LIMCH1: variants seen among roughly 807,000 people sequenced by gnomAD.
LIMCH1 encodes LIM and calponin homology domains-containing protein 1.
Under a neutral mutation model 176.5 loss-of-function variants are expected in LIMCH1, and 113 were observed. The observed-to-expected ratio is 0.64, with a 90% CI of 0.55 to 0.75. The LOEUF (loss-of-function observed/expected upper bound fraction) is 0.75, where lower values mean the gene tolerates loss of function less well. Ranked by LOEUF, LIMCH1 falls within the 30% of genes least tolerant of loss-of-function variation. The pLI is 0.00. For synonymous variants in LIMCH1, 619 were observed against 645.9 expected (o/e 0.96, Z 0.63); for missense variants, 1,674 against 1,814.9 (o/e 0.92, Z 1.41).
intron 1 of LIMCH1, among the ~76,000 whole-genome samples, chr4:41,491,619 G>A (rs1190293816): frequency 2.1e-5 from 3 of 142,972 alleles, no homozygotes; most frequent in Admixed American, 6.9e-5. Context: ...ATGGGGTGGC[G>A]ATTGGGCAGA....
intron 2 of LIMCH1, among the ~76,000 whole-genome samples, chr4:41,513,619 G>C (rs1434567950): frequency 6.6e-6 from 1 of 152,074 alleles, no homozygotes; most frequent in Non-Finnish European, 1.5e-5. Flanking sequence ...GTAATGACTG[G>C]CAGGAAGGAA....
At chr4:41,669,254 G>A (rs1193932463) in intron 21 of LIMCH1, among the ~76,000 whole-genome samples, 1 of 152,074 alleles carries the variant, frequency 6.6e-6, no homozygotes, top group Admixed American at 6.6e-5. Flanking sequence ...TACCAAATGG[G>A]AGAATCCATA....
rs747184401 is a variant in LIMCH1, at chr4:41,633,797, GA to G, written c.2082del (p.Asp695IlefsTer43). ...VEESSKGLPM[K>X]DQRYGPRTPV... ...AAGAATCTTCTAAAGGTCTACCCAT[GA>G]AAGATCAGAGGTCAGAAAGTTATTC... On this transcript the variant is annotated frameshift_variant, in exon 13 of 32. Coordinates refer to ENST00000503057, the MANE Select transcript of LIMCH1 (RefSeq NM_001330672.2). LOFTEE classifies it high-confidence loss of function. 4.1e-5 allele frequency: 63 copies of G among 1,535,894 alleles called. 1 individual carries two copies. In the South Asian group the frequency reaches 6.9e-4, roughly 17 times the overall value.
intron 1 of LIMCH1, among the ~76,000 whole-genome samples, chr4:41,471,378 T>C (rs2066938471): frequency 6.6e-6 from 1 of 152,130 alleles, no homozygotes; most frequent in Non-Finnish European, 1.5e-5. Flanking sequence ...AAGAGCTGGG[T>C]GGAACAATGC....
rs111912444 is a variant in LIMCH1 at position 41,592,894 on chromosome 4, T to C, written c.-240-6026T>C. Among the ~76,000 whole-genome samples, 38 of 152,352 alleles carry C rather than the reference T, an allele frequency of 2.5e-4. 1 individual carries two copies. The highest frequency in any genetic ancestry group is 8.7e-4 in the African/African-American group (36 of 41,584). Reference sequence around the variant, plus strand: ...TTGATGTCAGAACTCTGTTTATGTGTATGTTGAACAATTCCAGTTATTTGA... The same window carrying C: ...TTGATGTCAGAACTCTGTTTATGTGCATGTTGAACAATTCCAGTTATTTGA... On this transcript the variant is annotated intron_variant, in intron 1 of 31. Transcript: ENST00000503057.
chr4:41,696,363 G>C (rs17444718), intron 31 of LIMCH1, among the ~76,000 whole-genome samples: 17,403 of 152,078 alleles, frequency 0.11, 1,328 homozygotes, highest in Middle Eastern at 0.25. Context: ...AAACTCCCTG[G>C]GGTCTTTTCA....
intron 13 of LIMCH1, 103 bp from the exon 14 acceptor site, chr4:41,638,829 G>T: frequency 1.1e-6 from 1 of 885,082 alleles, no homozygotes; most frequent in Non-Finnish European, 1.9e-6. Flanking sequence ...CAGCAAAAAA[G>T]GTTTGGCGCA....
At chr4:41,639,258 G>C (rs1417403538) in intron 14 of LIMCH1, among the ~76,000 whole-genome samples, 2 of 152,188 alleles carry the variant, frequency 1.3e-5, no homozygotes, top group African/African-American at 4.8e-5. Flanking sequence ...CTGAACATTG[G>C]TACCCCTTCT....
intron 1 of LIMCH1, among the ~76,000 whole-genome samples, chr4:41,575,669 G>C (rs1445375488): frequency 6.6e-6 from 1 of 152,182 alleles, no homozygotes; most frequent in African/African-American, 2.4e-5. Context: ...ATTTTGGCAA[G>C]TGTGGGTTTT....
intron 1 of LIMCH1, among the ~76,000 whole-genome samples, chr4:41,598,591 G>A (rs2152745932): frequency 6.6e-6 from 1 of 152,106 alleles, no homozygotes; most frequent in South Asian, 2.1e-4. Flanking sequence ...ACAAGACATG[G>A]ACAAAGAAGC....
At position 41,510,682 on chromosome 4, in the gene LIMCH1, G is replaced by A. The variant is rs113700268; in HGVS notation, c.168-13727G>A. ...CGGCTTGCTGCAACCTCTGCCTCCC[G>A]GGTTCAAGTGATTCTGCTGCCTCAG... On this transcript the variant is annotated intron_variant, in intron 2 of 26. Coordinates refer to the LIMCH1 transcript ENST00000313860. Among the ~76,000 whole-genome samples the A allele has an allele frequency of 6.6e-3, 1,005 of 152,028 alleles. 10 individuals are homozygous for A. The highest frequency in any genetic ancestry group is 9.1e-3 in the Non-Finnish European group (618 of 67,976).
chr4:41,427,460 T>C (rs943205526), intron 1 of LIMCH1, among the ~76,000 whole-genome samples: 2 of 152,188 alleles, frequency 1.3e-5, no homozygotes, highest in Non-Finnish European at 2.9e-5. Context: ...TCCTCCCTCC[T>C]ATCCTACTGC....
intron 20 of LIMCH1, 52 bp downstream of exon 20, chr4:41,663,036 C>A: frequency 2.0e-6 from 3 of 1,522,430 alleles, no homozygotes; most frequent in African/African-American, 2.7e-5. Flanking sequence ...AACATGGCCC[C>A]ATATTACAGC....
chr4:41,442,557 T>C (rs2062817152), intron 1 of LIMCH1, among the ~76,000 whole-genome samples: 1 of 152,226 alleles, frequency 6.6e-6, no homozygotes, highest in South Asian at 2.1e-4. Flanking sequence ...GATTTCATGA[T>C]AGTTGAGAAC....
intron 14 of LIMCH1, among the ~76,000 whole-genome samples, chr4:41,643,234 T>C (rs550535775): frequency 6.6e-6 from 1 of 152,326 alleles, no homozygotes; most frequent in South Asian, 2.1e-4. Flanking sequence ...GCGATGCTGC[T>C]GCTGTTCATT....
intron 1 of LIMCH1, among the ~76,000 whole-genome samples, chr4:41,454,940 ATGTGTG>A (rs761501125): frequency 0.04 from 5,266 of 131,316 alleles, 217 homozygotes; most frequent in African/African-American, 0.11. Context: ...GTATGCGTAC[ATGTGTG>A]TGTGTGTGTG....
Position 41,598,991 on chromosome 4 carries a change from T to G in LIMCH1, c.-169T>G. ...AAGAATCTCAACTTTTTGACCCGAG[T>G]GACCTCCAGGATACATCCAACAGAG... On this transcript the variant is annotated 5_prime_UTR_variant, in exon 2 of 32. Transcript: ENST00000503057. The G allele has an allele frequency of 6.2e-7, 1 of 1,611,924 alleles. No individual in the cohort carries two copies. The highest frequency in any genetic ancestry group is 8.5e-7 in the Non-Finnish European group (1 of 1,178,238).
chr4:41,476,977 T>C (rs1024338498), intron 1 of LIMCH1, among the ~76,000 whole-genome samples: 2 of 152,114 alleles, frequency 1.3e-5, no homozygotes, highest in Admixed American at 6.6e-5. Flanking sequence ...AAAAGGCGCA[T>C]TGAAGAGAGC....
rs747900437 is a variant in LIMCH1, at chr4:41,641,257, G to T, written c.2126+2290G>T. 5.3e-5 allele frequency among the ~76,000 whole-genome samples: 8 copies of T among 152,146 alleles called. No homozygotes were observed. The South Asian group carries it at 1.0e-3, about 20-fold the overall frequency. On this transcript the variant is annotated intron_variant, in intron 14 of 31. Coordinates refer to ENST00000503057, the MANE Select transcript of LIMCH1 (RefSeq NM_001330672.2). ...TGGCCATCTCCAGGATCCCATATCC[G>T]CCAACCCCCATCCCCAGACACACAC...
Sources: gnomAD v4.1 joint callset for allele counts (sites outside exome capture counted in the v4.1 genomes callset) on GRCh38, gnomAD v4.1.1 for gene constraint, MANE v1.5 for transcripts, NCBI Gene and HGNC (gene_info 2026-07-23, HGNC 2026-07-21) for gene names.